Variants in DPH6 observed in about 807,000 individuals in gnomAD.
DPH6 encodes diphthine--ammonia ligase.
Under a neutral mutation model 38.2 loss-of-function variants are expected in DPH6, and 33 were observed. The observed-to-expected ratio is 0.86, with a 90% confidence interval of 0.65 to 1.15. The LOEUF is 1.15. Ranked by LOEUF, DPH6 falls within the 50% of genes most tolerant of loss-of-function variation. The probability of loss-of-function intolerance (pLI) is 0.00; values close to 1 mark genes in which losing one functional copy is unlikely to be tolerated. For missense variants in DPH6, 325 were observed against 320.0 expected, an observed-to-expected ratio of 1.02 and a Z score of -0.12; for synonymous variants, 108 against 103.0, an observed-to-expected ratio of 1.05 and a Z score of -0.30.
intron 3 of DPH6, among the ~76,000 whole-genome samples, chr15:35,285,813 C>T (rs1375334730): frequency 2.9e-5 from 4 of 137,496 alleles, no homozygotes; most frequent in Admixed American, 7.8e-5. Flanking sequence ...GACTAGATTT[C>T]TCTGGCACAT....
intron 3 of DPH6, among the ~76,000 whole-genome samples, chr15:35,362,446 C>T (rs1015516531): frequency 6.6e-6 from 1 of 152,152 alleles, no homozygotes; most frequent in Non-Finnish European, 1.5e-5. Flanking sequence ...CTTCTCTTAC[C>T]CTCCTGTGGG....
intron 3 of DPH6, among the ~76,000 whole-genome samples, chr15:35,530,327 C>CA (rs2055067851): frequency 6.6e-6 from 1 of 151,656 alleles, no homozygotes; most frequent in African/African-American, 2.4e-5. Flanking sequence ...AACAAACAAA[C>CA]AAAAAAACCC....
chr15:35,235,548 A>G (rs1388194653), intron 3 of DPH6, among the ~76,000 whole-genome samples: 2 of 152,254 alleles, frequency 1.3e-5, no homozygotes, highest in Non-Finnish European at 2.9e-5. Context: ...AAAAAATGCA[A>G]TTATGAAAGT....
intron 3 of DPH6, among the ~76,000 whole-genome samples, chr15:35,279,068 A>AAAAAATAT (rs1555390826): frequency 9.7e-6 from 1 of 102,974 alleles, no homozygotes; most frequent in East Asian, 3.5e-4. Context: ...AAAAAAAAAA[A>AAAAAATAT]ATATATATAT....
intron 3 of DPH6, among the ~76,000 whole-genome samples, chr15:35,478,404 C>CACACACACACACAT (rs1337564814): frequency 2.2e-5 from 3 of 136,336 alleles, no homozygotes; most frequent in African/African-American, 7.7e-5. Context: ...CACACACACA[C>CACACACACACACAT]AAAGATTGTA....
At chr15:35,208,417 C>A in the DPH6 span, among the ~76,000 whole-genome samples, 1 of 152,128 alleles carries the variant, frequency 6.6e-6, no homozygotes, top group African/African-American at 2.4e-5. Flanking sequence ...TCATTAAAAC[C>A]ACAAGTGTCA....
intron 3 of DPH6, among the ~76,000 whole-genome samples, chr15:35,290,343 C>CA (rs1383102447): frequency 6.6e-6 from 1 of 152,200 alleles, no homozygotes; most frequent in Non-Finnish European, 1.5e-5. Flanking sequence ...TCTGCAAAGG[C>CA]ACTGGGCACA....
intron 3 of DPH6, chr15:35,237,838 G>T (rs1309860804): frequency 3.9e-6 from 6 of 1,540,446 alleles, no homozygotes; most frequent in East Asian, 4.5e-5. Flanking sequence ...AGGAGGAGGA[G>T]GAGGATGAGG....
At chr15:35,161,800 T>C in the DPH6 span, among the ~76,000 whole-genome samples, 2 of 151,878 alleles carry the variant, frequency 1.3e-5, no homozygotes, top group East Asian at 1.9e-4. Flanking sequence ...TCAACTAGCA[T>C]CTTGATTTTG....
At chr15:35,176,659 T>C in the DPH6 span, among the ~76,000 whole-genome samples, 63,542 of 151,830 alleles carry the variant, frequency 0.42, 14,871 homozygotes, top group East Asian at 0.68. Context: ...TTAGTAGAGA[T>C]GGGGTTTCTC....
chr15:35,424,457 T>C (rs896137760), intron 5 of DPH6, among the ~76,000 whole-genome samples: 3 of 151,640 alleles, frequency 2.0e-5, no homozygotes, highest in Non-Finnish European at 4.4e-5. Flanking sequence ...ACAGGATTTT[T>C]TTTTTTGTCA....
At chr15:35,243,364 A>G (rs1483470571) in intron 3 of DPH6, among the ~76,000 whole-genome samples, 1 of 141,652 alleles carries the variant, frequency 7.1e-6, no homozygotes, top group East Asian at 2.2e-4. Flanking sequence ...CTTCAACACT[A>G]TTTTGTTTTA....
At chr15:35,474,254 C>A (rs758700498) in intron 3 of DPH6, among the ~76,000 whole-genome samples, 2 of 151,998 alleles carry the variant, frequency 1.3e-5, no homozygotes, top group Non-Finnish European at 2.9e-5. Context: ...AGGAAAAATA[C>A]AAGAGAAAAA....
intron 3 of DPH6, among the ~76,000 whole-genome samples, chr15:35,319,066 A>G (rs2052217468): frequency 6.6e-6 from 1 of 152,214 alleles, no homozygotes; most frequent in African/African-American, 2.4e-5. Context: ...GTCCAGTGCT[A>G]GCAGGTGCCT....
chr15:35,431,650 C>T (rs2053633464), intron 5 of DPH6, among the ~76,000 whole-genome samples: 1 of 151,838 alleles, frequency 6.6e-6, no homozygotes, highest in Admixed American at 6.6e-5. Context: ...GAAAGGAATC[C>T]ATAAGAAAGA....
the DPH6 span, among the ~76,000 whole-genome samples, chr15:35,174,340 T>C: frequency 2.0e-5 from 3 of 152,236 alleles, no homozygotes; most frequent in Admixed American, 1.3e-4. Flanking sequence ...TGAACATGTC[T>C]TCAAAATTAT....
intron 3 of DPH6, among the ~76,000 whole-genome samples, chr15:35,317,603 GAAAA>G (rs1276434114): frequency 2.1e-5 from 3 of 145,168 alleles, no homozygotes; most frequent in Non-Finnish European, 4.5e-5. Context: ...AAAAAAAAAA[GAAAA>G]AAAGAAGATT....
chr15:35,241,322 GT>G (rs1487073213), intron 3 of DPH6, among the ~76,000 whole-genome samples: 8 of 141,390 alleles, frequency 5.7e-5, no homozygotes, highest in African/African-American at 2.1e-4. Context: ...ACAGTGGAAG[GT>G]TAAGTCCGTC....
At chr15:35,470,967 GA>G (rs1013523377) in intron 3 of DPH6, among the ~76,000 whole-genome samples, 7 of 150,074 alleles carry the variant, frequency 4.7e-5, no homozygotes, top group African/African-American at 9.8e-5. Context: ...TGAATTATTA[GA>G]AAAAAAAATA....
Sources: gnomAD v4.1 joint callset for allele counts (sites outside exome capture counted in the v4.1 genomes callset) on GRCh38, gnomAD v4.1.1 for gene constraint, MANE v1.5 for transcripts, NCBI Gene and HGNC (gene_info 2026-07-23, HGNC 2026-07-21) for gene names.